IL34: variants seen among roughly 807,000 people sequenced by gnomAD.
IL34 encodes the protein interleukin-34.
IL34 carries 17 observed loss-of-function variants against 25.3 expected under a neutral mutation model. The observed-to-expected ratio is 0.67, with a 90% confidence interval of 0.46 to 1.01. The LOEUF (loss-of-function observed/expected upper bound fraction) is 1.01. Ranked by LOEUF, IL34 falls within the 50% of genes least tolerant of loss-of-function variation. The pLI is 0.00. For missense variants in IL34, 368 were observed against 312.9 expected (o/e 1.18, Z -1.33); for synonymous variants, 174 against 140.9 (o/e 1.23, Z -1.66).
intron 1 of IL34, among the ~76,000 whole-genome samples, chr16:70,651,954 T>C (rs2151877662): frequency 6.6e-6 from 1 of 151,122 alleles, no homozygotes; most frequent in South Asian, 2.1e-4. Flanking sequence ...TGAAACCCCG[T>C]CTGTACTAAA....
chr16:70,586,700 T>G (rs2050698916), intron 1 of IL34, among the ~76,000 whole-genome samples: 1 of 152,138 alleles, frequency 6.6e-6, no homozygotes, highest in East Asian at 1.9e-4. Flanking sequence ...CCTGGACCTG[T>G]CCTCCAGCCT....
chr16:70,637,948 G>T (rs980353910), intron 1 of IL34, among the ~76,000 whole-genome samples: 2 of 152,116 alleles, frequency 1.3e-5, no homozygotes, highest in African/African-American at 2.4e-5. Flanking sequence ...TGGTTTCCAG[G>T]TTTTTTTGTT....
At chr16:70,611,858 A>C (rs2051096287) in intron 1 of IL34, among the ~76,000 whole-genome samples, 1 of 151,926 alleles carries the variant, frequency 6.6e-6, no homozygotes, top group Non-Finnish European at 1.5e-5. Context: ...AAATAAATAA[A>C]TAAATAAATA....
At chr16:70,634,314 C>G (rs769387191) in intron 1 of IL34, among the ~76,000 whole-genome samples, 8 of 152,080 alleles carry the variant, frequency 5.3e-5, no homozygotes, top group Admixed American at 1.3e-4. Flanking sequence ...CAGCACTGTT[C>G]AACCCAGTAC....
chr16:70,625,295 A>G (rs1025205817), intron 1 of IL34, among the ~76,000 whole-genome samples: 4 of 146,998 alleles, frequency 2.7e-5, no homozygotes, highest in Non-Finnish European at 6.0e-5. Context: ...TATGGAGGGA[A>G]GGGGTTCGGG....
chr16:70,599,973 C>T (rs968939591), intron 1 of IL34, among the ~76,000 whole-genome samples: 4 of 152,084 alleles, frequency 2.6e-5, no homozygotes, highest in Admixed American at 1.3e-4. Flanking sequence ...AGTCATGGCA[C>T]CTGACCCTGC....
At chr16:70,657,601 C>T (rs1249649103) in intron 4 of IL34, among the ~76,000 whole-genome samples, 1 of 152,060 alleles carries the variant, frequency 6.6e-6, no homozygotes, top group African/African-American at 2.4e-5. Context: ...ATGGTGAAAC[C>T]CCGTCTCTAC....
chr16:70,632,960 G>A lies in IL34; in HGVS notation c.-400-13588G>A, dbSNP rs139197185. Reference sequence around the variant, plus strand: ...TTAAAATAAAATTCTTACTTAAAATGTGTCTTATCAGGACATATTTTTTTT... The same window carrying A: ...TTAAAATAAAATTCTTACTTAAAATATGTCTTATCAGGACATATTTTTTTT... On this transcript the variant is annotated intron_variant, in intron 1 of 6. Transcript: ENST00000429149. Among the ~76,000 whole-genome samples the A allele has an allele frequency of 7.3e-3, 1,089 of 150,010 alleles. 10 individuals are homozygous for A. The highest frequency in any genetic ancestry group is 0.025 in the African/African-American group (1,029 of 41,094).
chr16:70,615,845 C>G (rs571636508), intron 1 of IL34, among the ~76,000 whole-genome samples: 1 of 152,178 alleles, frequency 6.6e-6, no homozygotes, highest in South Asian at 2.1e-4. Context: ...CTCAGCTACT[C>G]GGAAGACTGA....
At chr16:70,626,550 C>T (rs1038404603) in intron 1 of IL34, among the ~76,000 whole-genome samples, 14 of 152,162 alleles carry the variant, frequency 9.2e-5, no homozygotes, top group Non-Finnish European at 8.8e-5. Flanking sequence ...GCATGCGCCA[C>T]CACGCCCGGC....
At chr16:70,639,530 A>G (rs1219955802) in intron 1 of IL34, among the ~76,000 whole-genome samples, 1 of 152,230 alleles carries the variant, frequency 6.6e-6, no homozygotes, top group African/African-American at 2.4e-5. Context: ...ATTAAGTGGC[A>G]TTGCCTGCCA....
chr16:70,623,024 T>G (rs2051314080), intron 1 of IL34, among the ~76,000 whole-genome samples: 1 of 151,858 alleles, frequency 6.6e-6, no homozygotes, highest in African/African-American at 2.4e-5. Context: ...TTGTAAGGGA[T>G]TGAGGTTTGG....
chr16:70,648,443 C>T (rs553565102), intron 1 of IL34, among the ~76,000 whole-genome samples: 1 of 150,940 alleles, frequency 6.6e-6, no homozygotes, highest in East Asian at 2.0e-4. Flanking sequence ...ATCCCAGCTA[C>T]TCAGGAGGCT....
rs2052368982 is a variant in IL34 at position 70,660,188 on chromosome 16, G to C, written c.*1G>C. On this transcript the variant is annotated 3_prime_UTR_variant, in exon 6 of 6. Coordinates refer to ENST00000288098, the MANE Select transcript of IL34 (RefSeq NM_001393494.1). ...ACAGGGCGAGGGCCTCTTGCCCTGA[G>C]CACCCTGGATGGTGACTGCGGATAG... 2.5e-6 allele frequency: 4 copies of C among 1,572,186 alleles called. No homozygotes were observed. Among genetic ancestry groups the C allele is most frequent in the Admixed American group, 1.9e-5 (1 of 52,598 alleles).
chr16:70,645,000 AAG>A (rs2051888675), upstream of IL34, among the ~76,000 whole-genome samples: 1 of 143,400 alleles, frequency 7.0e-6, no homozygotes, highest in African/African-American at 2.6e-5. Flanking sequence ...AAGGAGGAAG[AAG>A]AGGAAGAGGA....
At chr16:70,611,568 C>T (rs917848601) in intron 1 of IL34, among the ~76,000 whole-genome samples, 3 of 152,148 alleles carry the variant, frequency 2.0e-5, no homozygotes, top group Admixed American at 1.3e-4. Context: ...GCAGGTGGAT[C>T]GCTTGAGCTC....
At chr16:70,622,342 G>C (rs1476406722) in intron 1 of IL34, among the ~76,000 whole-genome samples, 1 of 152,080 alleles carries the variant, frequency 6.6e-6, no homozygotes, top group Non-Finnish European at 1.5e-5. Context: ...AAATCCCTGA[G>C]CTTGATGTGT....
chr16:70,659,598 G>A lies in IL34; in HGVS notation c.403-20G>A. On this transcript the variant is annotated intron_variant, in intron 4 of 5. Transcript: ENST00000288098. The stretch of plus-strand genomic sequence containing the variant: ...GCGGCCCCATCTCGCCACCGCTCCT[G>A]ACTGTTTCCTCCTTTCCAGGATGTG... The A allele has an allele frequency of 6.3e-7, 1 of 1,594,946 alleles. No individual in the cohort carries two copies. The highest frequency in any genetic ancestry group is 2.3e-5 in the East Asian group (1 of 44,382).
chr16:70,586,738 C>T lies in IL34; in HGVS notation c.-401+6689C>T, dbSNP rs143646579. Among the ~76,000 whole-genome samples, 821 of 152,288 alleles carry T rather than the reference C, an allele frequency of 5.4e-3. 6 individuals are homozygous for T. The highest frequency in any genetic ancestry group is 7.2e-3 in the Non-Finnish European group (489 of 68,026). ...CATTGCACATCTGCTGCTCACTGAA[C>T]GCTCACAGCTCCTTGCAAGGTGCAA... On this transcript the variant is annotated intron_variant, in intron 1 of 6. Coordinates refer to the IL34 transcript ENST00000429149.
Sources: allele counts gnomAD v4.1 joint callset (sites outside exome capture counted in the v4.1 genomes callset), GRCh38; gene constraint gnomAD v4.1.1; transcripts MANE v1.5; gene names NCBI Gene and HGNC (gene_info 2026-07-23, HGNC 2026-07-21).